Variants in WWC2 observed in about 807,000 individuals in gnomAD.
WWC2 encodes the protein protein WWC2.
Under a neutral mutation model 138.5 loss-of-function variants are expected in WWC2, and 101 were observed. The observed-to-expected ratio is 0.73, with a 90% CI of 0.62 to 0.86. WWC2 has a LOEUF of 0.86. WWC2 is among the 40% of genes least tolerant of loss of function. The pLI, the probability that WWC2 is intolerant of heterozygous loss-of-function variation, is 0.00. For synonymous variants in WWC2, 558 were observed against 538.4 expected, an observed-to-expected ratio of 1.04 and a Z score of -0.50; for missense variants, 1,420 against 1,419.4, an observed-to-expected ratio of 1.00 and a Z score of -0.01.
rs1486310916 is a variant in WWC2 at position 183,247,499 on chromosome 4, TTATACTATATATACAC to T, written c.733-1201_733-1186del. Among the ~76,000 whole-genome samples, 146 of 141,852 alleles carry T rather than the reference TTATACTATATATACAC, an allele frequency of 1.0e-3. 1 individual carries two copies. Among genetic ancestry groups the T allele is most frequent in the African/African-American group, 3.8e-3 (140 of 36,482 alleles). 93.1% of individuals were successfully genotyped at this position (141,852 alleles called of 152,430 possible). ...CATATATATATACTATATATACTAT[TTATACTATATATACAC>T]TATACTATATATATACTATATATAC... On this transcript the variant is annotated intron_variant, in intron 6 of 22. Coordinates refer to ENST00000403733, the MANE Select transcript of WWC2 (RefSeq NM_024949.6).
chr4:183,248,610 T>A (rs1221737424), intron 6 of WWC2, 104 bp from the exon 7 acceptor site: 1 of 1,244,572 alleles, frequency 8.0e-7, no homozygotes, highest in Non-Finnish European at 1.1e-6. Context: ...ATAAAGTTGT[T>A]TTTTTCCATT....
intron 4 of WWC2, among the ~76,000 whole-genome samples, chr4:183,218,566 T>C (rs968266471): frequency 6.6e-6 from 1 of 152,256 alleles, no homozygotes; most frequent in Non-Finnish European, 1.5e-5. Context: ...GACACAATTA[T>C]GGAAACTGGC....
chr4:183,118,274 G>A (rs998798216), intron 1 of WWC2, among the ~76,000 whole-genome samples: 15 of 152,214 alleles, frequency 9.9e-5, no homozygotes, highest in African/African-American at 3.1e-4. Flanking sequence ...AGTGTGGCAT[G>A]TTTTTGTTGG....
At chr4:183,274,014 C>T (rs1018118268) in intron 16 of WWC2, among the ~76,000 whole-genome samples, 3 of 152,136 alleles carry the variant, frequency 2.0e-5, no homozygotes, top group African/African-American at 7.2e-5. Flanking sequence ...ATTATCTTGG[C>T]ACCCTTGTTG....
chr4:183,252,414 C>A (rs1469716873), intron 8 of WWC2, among the ~76,000 whole-genome samples: 1 of 152,196 alleles, frequency 6.6e-6, no homozygotes, highest in Non-Finnish European at 1.5e-5. Context: ...CTTTACAGTG[C>A]CACGTAGCAA....
At chr4:183,278,241 T>TC (rs1303392703) in intron 16 of WWC2, among the ~76,000 whole-genome samples, 1 of 152,172 alleles carries the variant, frequency 6.6e-6, no homozygotes, top group Non-Finnish European at 1.5e-5. Flanking sequence ...GGGAATCCTT[T>TC]CCCCATTTCT....
chr4:183,285,759 C>CA lies in WWC2; in HGVS notation c.3049-198dup, dbSNP rs1016659148. Among the ~76,000 whole-genome samples, 319 of 143,890 alleles carry CA rather than the reference C, an allele frequency of 2.2e-3. 3 individuals are homozygous for CA. Among genetic ancestry groups the CA allele is most frequent in the South Asian group, 0.01 (46 of 4,498 alleles). The allele number at this position is 143,890 out of a possible 152,430, so 94.4% of individuals were successfully genotyped here. A position where few individuals can be genotyped will look rare whatever the true frequency, so the allele number is the denominator to read the frequency against. On this transcript the variant is annotated intron_variant, in intron 19 of 22. Transcript: ENST00000403733. ...TGGGTGACAGAGTGAGACTCTGTCT[C>CA]AAAAAAAAAATACATAAATAAGTAA...
chr4:183,290,673 T>C (rs1039494655), intron 21 of WWC2, among the ~76,000 whole-genome samples: 1 of 152,272 alleles, frequency 6.6e-6, no homozygotes, highest in Middle Eastern at 3.2e-3. Flanking sequence ...TTCATATCCA[T>C]ATGTAGTAGC....
chr4:183,244,566 A>G (rs1736713439), intron 5 of WWC2, among the ~76,000 whole-genome samples: 2 of 151,058 alleles, frequency 1.3e-5, no homozygotes, highest in Admixed American at 1.3e-4. Context: ...AGCAGAATAA[A>G]TATTATATAT....
chr4:183,280,966 C>T (rs1200158307), intron 17 of WWC2, 69 bp downstream of exon 17: 2 of 1,485,392 alleles, frequency 1.3e-6, no homozygotes, highest in South Asian at 1.4e-5. Context: ...ACAGTGAAAC[C>T]TTTGTAGGCT....
chr4:183,276,371 T>C (rs2111392190), intron 16 of WWC2, among the ~76,000 whole-genome samples: 1 of 152,244 alleles, frequency 6.6e-6, no homozygotes, highest in African/African-American at 2.4e-5. Context: ...TGTTTTCTTT[T>C]AATTCCATCT....
intron 4 of WWC2, among the ~76,000 whole-genome samples, chr4:183,217,025 A>T (rs1198355569): frequency 6.6e-6 from 1 of 152,230 alleles, no homozygotes; most frequent in African/African-American, 2.4e-5. Flanking sequence ...GTAATGCCAT[A>T]GTAGTGGGAC....
chr4:183,249,865 T>G, intron 7 of WWC2, 55 bp from the exon 8 acceptor site: 1 of 1,436,610 alleles, frequency 7.0e-7, no homozygotes, highest in East Asian at 2.3e-5. Context: ...AAAAGCAATT[T>G]ACTTCATTCA....
chr4:183,119,600 T>C (rs1732536068), intron 1 of WWC2, among the ~76,000 whole-genome samples: 1 of 152,272 alleles, frequency 6.6e-6, no homozygotes, highest in Non-Finnish European at 1.5e-5. Flanking sequence ...TGCCCATGTA[T>C]GTTGGAAAAC....
chr4:183,315,137 G>A (rs1266035207), intron 22 of WWC2, among the ~76,000 whole-genome samples: 1 of 152,202 alleles, frequency 6.6e-6, no homozygotes, highest in African/African-American at 2.4e-5. Context: ...CCCTGTCTCA[G>A]CCTCTCCGCT....
Position 183,110,432 on chromosome 4 carries a change from A to ATT in WWC2, c.131+10828_131+10829dup, listed in dbSNP as rs545128013. Among the ~76,000 whole-genome samples, 510 of 117,338 alleles carry ATT rather than the reference A, an allele frequency of 4.3e-3. 1 individual carries two copies. The highest frequency in any genetic ancestry group is 0.014 in the African/African-American group (425 of 30,430). The allele number at this position is 117,338 out of a possible 152,430, so 77.0% of individuals were successfully genotyped here. ...GTCCCAAAGACTGCTCTGTAGAGCT[A>ATT]TTTTTTTTTTTTTTTTTTTGCTTTG... On this transcript the variant is annotated intron_variant, in intron 1 of 22. Transcript: ENST00000403733.
intron 16 of WWC2, among the ~76,000 whole-genome samples, chr4:183,273,936 A>T (rs1279545614): frequency 6.6e-6 from 1 of 152,168 alleles, no homozygotes; most frequent in Non-Finnish European, 1.5e-5. Context: ...ATCCAGTTTC[A>T]TCTTTTTGTA....
At chr4:183,132,408 C>CT (rs1056128221) in intron 1 of WWC2, among the ~76,000 whole-genome samples, 4 of 149,996 alleles carry the variant, frequency 2.7e-5, no homozygotes, top group East Asian at 2.0e-4. Context: ...TAAGAGGTTT[C>CT]TTTTTTTTAA....
At chr4:183,122,944 G>GA (rs567029387) in intron 1 of WWC2, among the ~76,000 whole-genome samples, 2 of 152,292 alleles carry the variant, frequency 1.3e-5, no homozygotes, top group East Asian at 3.9e-4. Context: ...AGAAGTAAGA[G>GA]AAATGCAGAG....
Sources: gnomAD v4.1 joint callset for allele counts (sites outside exome capture counted in the v4.1 genomes callset) on GRCh38, gnomAD v4.1.1 for gene constraint, MANE v1.5 for transcripts, NCBI Gene and HGNC (gene_info 2026-07-23, HGNC 2026-07-21) for gene names.